CRELD1: variants seen among roughly 807,000 people sequenced by gnomAD.
The protein encoded by CRELD1 is CRELD disulfide isomerase 1.
Under a neutral mutation model 58.2 loss-of-function variants are expected in CRELD1, and 42 were observed. The observed-to-expected ratio is 0.72, with a 90% CI of 0.56 to 0.93. The LOEUF is 0.93. CRELD1 is among the 40% of genes least tolerant of loss of function. The pLI, the probability that CRELD1 is intolerant of heterozygous loss-of-function variation, is 0.00. For synonymous variants in CRELD1, 222 were observed against 202.0 expected, an observed-to-expected ratio of 1.10 and a Z score of -0.84; for missense variants, 500 against 540.6, an observed-to-expected ratio of 0.92 and a Z score of 0.74.
rs2085471233 is a variant in CRELD1 at position 9,944,639 on chromosome 3, C to T, written c.*60C>T. 42 of 1,443,680 alleles carry T rather than the reference C, an allele frequency of 2.9e-5. No individual in the cohort carries two copies. In the South Asian group the frequency reaches 5.0e-4, roughly 17 times the overall value. The allele number at this position is 1,443,680 out of a possible 1,614,324, so 89.4% of individuals were successfully genotyped here. A position where few individuals can be genotyped will look rare whatever the true frequency, so the allele number is the denominator to read the frequency against. ...ACGCTGCCCCCAGAGCTTGGGCTGC[C>T]CTCCTGCTGGACACTCAGGACAGCT... On this transcript the variant is annotated 3_prime_UTR_variant, in exon 11 of 11. Transcript: ENST00000452070.
rs772904434 is a variant in CRELD1, at chr3:9,934,928, G to A, written c.257+11G>A. 5.6e-6 allele frequency: 9 copies of A among 1,602,912 alleles called. No homozygotes were observed. Among genetic ancestry groups the A allele is most frequent in the Non-Finnish European group, 7.7e-6 (9 of 1,173,776 alleles). On this transcript the variant is annotated intron_variant, in intron 3 of 10. Coordinates refer to ENST00000452070, the MANE Select transcript of CRELD1 (RefSeq NM_001077415.3). ...CAAATACAAAGACAGGTAAGGGGCTGCTGGGGGAAGGGGTGTATATTCCCC... is the reference window on the plus strand; with the variant it reads ...CAAATACAAAGACAGGTAAGGGGCTACTGGGGGAAGGGGTGTATATTCCCC...
rs2085476048 is a variant in CRELD1 at position 9,944,858 on chromosome 3, T to C, written c.*279T>C. 2.5e-5 allele frequency: 12 copies of C among 470,656 alleles called. No homozygotes were observed. Among genetic ancestry groups the C allele is most frequent in the South Asian group, 2.5e-4 (12 of 48,634 alleles). The allele number at this position is 470,656 out of a possible 1,614,324, so 29.2% of individuals were successfully genotyped here. On this transcript the variant is annotated 3_prime_UTR_variant, in exon 11 of 11. Transcript: ENST00000452070. ...AAAGTTTTTCCTTAATGGTGGCTGCTAGAGCTTTGGCCCCTGCTTAGGATT... is the reference window on the plus strand; with the variant it reads ...AAAGTTTTTCCTTAATGGTGGCTGCCAGAGCTTTGGCCCCTGCTTAGGATT...
chr3:9,945,261 C>T lies in CRELD1; in HGVS notation c.*682C>T, dbSNP rs972841757. On this transcript the variant is annotated 3_prime_UTR_variant, in exon 11 of 11. Coordinates refer to ENST00000452070, the MANE Select transcript of CRELD1 (RefSeq NM_001077415.3). ...AGATGACTTTTGCCTCTGAACTTCA[C>T]TCTTCTCTTTCCTCAAATGGGCTTC... is the stretch of plus-strand genomic sequence containing the variant. 6.4e-6 allele frequency: 1 copy of T among 156,802 alleles called. No homozygotes were observed. The highest frequency in any genetic ancestry group is 1.4e-5 in the Non-Finnish European group (1 of 70,766). 9.7% of individuals were successfully genotyped at this position (156,802 alleles called of 1,614,324 possible).
chr3:9,943,020 G>A (rs1023683410), intron 8 of CRELD1, 57 bp from the exon 9 acceptor site: 99 of 1,568,724 alleles, frequency 6.3e-5, no homozygotes, highest in Non-Finnish European at 7.3e-5. Flanking sequence ...CTTCTGGAGC[G>A]TGGCTCCCCT....
At chr3:9,936,093 G>A (rs764483788) in intron 3 of CRELD1, 2 of 152,226 alleles carry the variant, frequency 1.3e-5, no homozygotes, top group Non-Finnish European at 1.5e-5. Context: ...AGAGGAGTCA[G>A]CAAAGGCTCA....
rs1454023208 is a variant in CRELD1, at chr3:9,943,071, C to G, written c.818-6C>G. ...TCTCACCCTCATCTTTCTCTCCTCT[C>G]TCCAGACTGTGCCAAGGCCTGCCTA... On this transcript the variant is annotated splice_region_variant and splice_polypyrimidine_tract_variant and intron_variant, in intron 8 of 10. Transcript: ENST00000452070. 1.2e-6 allele frequency: 2 copies of G among 1,613,530 alleles called. No individual in the cohort carries two copies. Among genetic ancestry groups the G allele is most frequent in the African/African-American group, 2.7e-5 (2 of 74,930 alleles).
chr3:9,934,042 A>G (rs2085083592), intron 1 of CRELD1, 122 bp downstream of exon 1: 1 of 315,296 alleles, frequency 3.2e-6, no homozygotes, highest in African/African-American at 2.2e-5. Flanking sequence ...GGTTCCGGAC[A>G]CCTCCCCCAA....
chr3:9,942,926 C>A (rs748981688), intron 8 of CRELD1, 30 bp downstream of exon 8: 4 of 1,590,238 alleles, frequency 2.5e-6, no homozygotes, highest in East Asian at 2.2e-5. Context: ...GAGGAGGGGA[C>A]GTGAGGAGTG....
In CRELD1 at chr3:9,934,937, AGG is replaced by A. The variant is rs796250562; in HGVS notation, c.257+23_257+24del. 3 of 1,591,372 alleles carry A rather than the reference AGG, an allele frequency of 1.9e-6. No individual in the cohort carries two copies. In the Admixed American group the frequency reaches 5.1e-5, roughly 27 times the overall value. ...AGACAGGTAAGGGGCTGCTGGGGGA[AGG>A]GGTGTATATTCCCCTCCCCGCCAAA... On this transcript the variant is annotated intron_variant, in intron 3 of 10. Transcript: ENST00000452070.
rs777262483 is a variant in CRELD1 at position 9,944,477 on chromosome 3, G to A, written c.1161G>A (p.Leu387=). 13 of 1,613,302 alleles carry A rather than the reference G, an allele frequency of 8.1e-6. No homozygotes were observed. The East Asian group carries it at 2.9e-4, about 36-fold the overall frequency. ...ALATLAAKGD[L]VFTAIFIGAV... Reference sequence around the variant, plus strand: ...CCACGCTGGCTGCTAAGGGCGACTTGGTGTTCACCGCCATCTTCATTGGGG... The same window carrying A: ...CCACGCTGGCTGCTAAGGGCGACTTAGTGTTCACCGCCATCTTCATTGGGG... Residue 387 remains leucine, a synonymous_variant, in exon 11 of 11, where the codon TTG becomes TTA. Transcript: ENST00000452070.
chr3:9,940,661 AGAGAGGGAGAGGGAGACCATGGG>A (rs1459730018), intron 5 of CRELD1, among the ~76,000 whole-genome samples, 166 bp from the exon 6 acceptor site: 52 of 109,334 alleles, frequency 4.8e-4, no homozygotes, highest in Non-Finnish European at 9.3e-4. Flanking sequence ...GACCGTGTAA[AGAGAGGGAGAGGGAGACCATGGG>A]GAGAGGGAGA....
rs747693685 is a variant in CRELD1, at chr3:9,934,903, C to G, written c.243C>G (p.Ser81=). 1.2e-6 allele frequency: 2 copies of G among 1,611,558 alleles called. No individual in the cohort carries two copies. The highest frequency in any genetic ancestry group is 1.7e-6 in the Non-Finnish European group (2 of 1,178,822). The stretch of plus-strand genomic sequence containing the variant: ...CTGCCTGGGAGGAAGAGAATTTGTC[C>G]AAATACAAAGACAGGTAAGGGGCTG... ...GNTAWEEENL[S]KYKDSETRLV... is the part of the protein sequence containing the mutation. Residue 81 remains serine (S), a synonymous_variant, in exon 3 of 11, where the codon TCC becomes TCG. Coordinates refer to ENST00000452070, the MANE Select transcript of CRELD1 (RefSeq NM_001077415.3).
intron 5 of CRELD1, among the ~76,000 whole-genome samples, chr3:9,939,825 C>A (rs1363805010): frequency 9.2e-5 from 14 of 152,204 alleles, no homozygotes; most frequent in Admixed American, 9.2e-4. Context: ...GTCATCCTGG[C>A]CCGTTCTCAA....
chr3:9,944,271 A>G, intron 10 of CRELD1, 94 bp from the exon 11 acceptor site: 1 of 1,166,386 alleles, frequency 8.6e-7, no homozygotes, highest in Non-Finnish European at 1.3e-6. Context: ...CCTGGTGGCC[A>G]TGATGATCAG....
rs74515036 is a variant in CRELD1, at chr3:9,935,095, A to G, written c.257+178A>G. ...GCCCCCTTCCTGGAGCTCACATTCTAGTAGAGAAGACAAGCAGTGAATGAG... is the reference window on the plus strand; with the variant it reads ...GCCCCCTTCCTGGAGCTCACATTCTGGTAGAGAAGACAAGCAGTGAATGAG... On this transcript the variant is annotated intron_variant, in intron 3 of 10. Transcript: ENST00000452070. 26,769 of 598,868 alleles carry G rather than the reference A, an allele frequency of 0.045. 724 individuals are homozygous for G. The highest frequency in any genetic ancestry group is 0.074 in the South Asian group (3,668 of 49,794). 37.1% of individuals were successfully genotyped at this position (598,868 alleles called of 1,614,324 possible).
At position 9,934,832 on chromosome 3, in the gene CRELD1, C is replaced by T; in HGVS notation, c.175-3C>T. On this transcript the variant is annotated splice_polypyrimidine_tract_variant and splice_region_variant and intron_variant, in intron 2 of 10. Coordinates refer to ENST00000452070, the MANE Select transcript of CRELD1 (RefSeq NM_001077415.3). ...TTAGCTATTACTAATTTTCTGTTTC[C>T]AGGGCCTGGAGAGAACCATCCGGGA... The T allele has an allele frequency of 6.2e-7, 1 of 1,611,294 alleles. No individual in the cohort carries two copies. The highest frequency in any genetic ancestry group is 8.5e-7 in the Non-Finnish European group (1 of 1,178,558).
At chr3:9,937,305 G>T (rs1211005703) in intron 3 of CRELD1, among the ~76,000 whole-genome samples, 1 of 152,172 alleles carries the variant, frequency 6.6e-6, no homozygotes, top group African/African-American at 2.4e-5. Context: ...CAACAAACCT[G>T]CAGGGAAGGT....
At chr3:9,935,071 C>A in intron 3 of CRELD1, 154 bp downstream of exon 3, 6 of 639,124 alleles carry the variant, frequency 9.4e-6, no homozygotes, top group Non-Finnish European at 1.6e-5. Flanking sequence ...AAGCAAAATG[C>A]CCCCTTCCTG....
chr3:9,934,980 T>C lies in CRELD1; in HGVS notation c.257+63T>C, dbSNP rs2085132311. The stretch of plus-strand genomic sequence containing the variant: ...CCCCGCCAAATCTCTGCTCTGCTGG[T>C]GTAGGGCTAGGAACTCTTGGGGAGC... On this transcript the variant is annotated intron_variant, in intron 3 of 10. Transcript: ENST00000452070. 3 of 1,385,980 alleles carry C rather than the reference T, an allele frequency of 2.2e-6. No homozygotes were observed. The South Asian group carries it at 3.7e-5, about 17-fold the overall frequency. 85.9% of individuals were successfully genotyped at this position (1,385,980 alleles called of 1,614,324 possible).
Sources: gnomAD v4.1 joint callset for allele counts (sites outside exome capture counted in the v4.1 genomes callset) on GRCh38, gnomAD v4.1.1 for gene constraint, MANE v1.5 for transcripts, NCBI Gene and HGNC (gene_info 2026-07-23, HGNC 2026-07-21) for gene names.